The following NRXN3 variants were observed in gnomAD, a reference collection of about 807,000 sequenced individuals.
NRXN3 encodes neurexin III.
In NRXN3, 32 loss-of-function variants were observed where a neutral mutation model predicts 137.6. The observed-to-expected ratio is 0.23, with a 90% CI of 0.18 to 0.31. NRXN3 has a LOEUF of 0.31. Among genes scored for constraint, NRXN3 ranks in the 10% least tolerant of loss-of-function variants. NRXN3 has a pLI of 1.00. For synonymous variants in NRXN3, 798 were observed against 784.5 expected, an observed-to-expected ratio of 1.02 and a Z score of -0.29; for missense variants, 1,574 against 2,062.5, an observed-to-expected ratio of 0.76 and a Z score of 4.59.
intron 4 of NRXN3, among the ~76,000 whole-genome samples, chr14:78,403,468 G>T (rs533173969): frequency 9.3e-4 from 142 of 152,312 alleles, no homozygotes; most frequent in Non-Finnish European, 1.5e-3. Flanking sequence ...ACTGAGAAAA[G>T]AGATAGGTTT....
intron 17 of NRXN3, among the ~76,000 whole-genome samples, chr14:79,666,367 A>G (rs2098556991): frequency 6.6e-6 from 1 of 152,152 alleles, no homozygotes; most frequent in African/African-American, 2.4e-5. Flanking sequence ...AATTAAGTCA[A>G]TCCTCAATAA....
chr14:79,825,299 T>G (rs1162139619), intron 20 of NRXN3, among the ~76,000 whole-genome samples: 1 of 151,806 alleles, frequency 6.6e-6, no homozygotes, highest in Non-Finnish European at 1.5e-5. Flanking sequence ...TTTGTTAGCT[T>G]GAACTCGATA....
chr14:79,020,358 C>T (rs901954420), intron 15 of NRXN3, among the ~76,000 whole-genome samples: 3 of 150,556 alleles, frequency 2.0e-5, no homozygotes, highest in African/African-American at 7.4e-5. Flanking sequence ...CTCCGCTTCC[C>T]AGGTTCAAGC....
intron 19 of NRXN3, among the ~76,000 whole-genome samples, chr14:79,759,615 A>G (rs1204639706): frequency 6.6e-6 from 1 of 151,758 alleles, no homozygotes; most frequent in Non-Finnish European, 1.5e-5. Flanking sequence ...ACTTGAAGTC[A>G]TATTTCTAGT....
In NRXN3 at chr14:79,140,601, G is replaced by GTA. The variant is rs112360597; in HGVS notation, c.3262+152461_3262+152462insAT. On this transcript the variant is annotated intron_variant, in intron 15 of 20. Coordinates refer to ENST00000335750, the MANE Select transcript of NRXN3 (RefSeq NM_001330195.2). Reference sequence around the variant, plus strand: ...TGTGTGTGTGTGTGTGTGTGTGTGTGTGTGTGTGTGAAGTTAAATGATCTT... The same window carrying GTA: ...TGTGTGTGTGTGTGTGTGTGTGTGTGTATGTGTGTGTGAAGTTAAATGATCTT... 5.6e-4 allele frequency among the ~76,000 whole-genome samples: 85 copies of GTA among 151,870 alleles called. 2 individuals are homozygous for GTA. The highest frequency in any genetic ancestry group is 2.1e-3 in the African/African-American group (85 of 41,352).
intron 15 of NRXN3, among the ~76,000 whole-genome samples, chr14:79,382,356 G>C (rs2094494892): frequency 6.6e-6 from 1 of 152,186 alleles, no homozygotes; most frequent in South Asian, 2.1e-4. Context: ...TGTCTACCAA[G>C]AGGCAGGAGC....
chr14:79,214,653 A>T (rs766244362), intron 15 of NRXN3, among the ~76,000 whole-genome samples: 1 of 152,160 alleles, frequency 6.6e-6, no homozygotes, highest in Non-Finnish European at 1.5e-5. Flanking sequence ...CTAAATCTGG[A>T]TGTGGATCCA....
rs75113339 is a variant in NRXN3, at chr14:79,513,851, G to A, written c.3444+46449G>A. On this transcript the variant is annotated intron_variant, in intron 16 of 20. Transcript: ENST00000335750. ...AAATCATTTGACCTCCTGTTTAGTC[G>A]TTTGCAAGAAACAGCCTGCTGGCAG... Among the ~76,000 whole-genome samples, 173 of 152,264 alleles carry A rather than the reference G, an allele frequency of 1.1e-3. 1 individual carries two copies. The highest frequency in any genetic ancestry group is 1.8e-3 in the Non-Finnish European group (125 of 68,018).
chr14:78,912,213 T>C (rs143266425), intron 10 of NRXN3, among the ~76,000 whole-genome samples: 5,097 of 151,322 alleles, frequency 0.034, 134 homozygotes, highest in Non-Finnish European at 0.049. Context: ...GAATGATGGT[T>C]TCCAGCTTCA....
intron 15 of NRXN3, among the ~76,000 whole-genome samples, chr14:79,123,903 C>A (rs1459417213): frequency 6.6e-6 from 1 of 152,136 alleles, no homozygotes; most frequent in African/African-American, 2.4e-5. Flanking sequence ...CCCTTAGCAC[C>A]CTCTGCTTAT....
intron 15 of NRXN3, among the ~76,000 whole-genome samples, chr14:79,304,490 C>T (rs577694936): frequency 3.2e-4 from 49 of 152,124 alleles, no homozygotes; most frequent in Non-Finnish European, 5.2e-4. Flanking sequence ...AATTGGGCAG[C>T]TCCAAACCAG....
In NRXN3 at chr14:79,109,529, A is replaced by T. The variant is rs117791384; in HGVS notation, c.3262+121388A>T. Reference sequence around the variant, plus strand: ...TTCCTTTTATTGTCATACATGAAGGAAATGAATATTTAAACAGATTTTTTC... The same window carrying T: ...TTCCTTTTATTGTCATACATGAAGGTAATGAATATTTAAACAGATTTTTTC... On this transcript the variant is annotated intron_variant, in intron 15 of 20. Transcript: ENST00000335750. Among the ~76,000 whole-genome samples the T allele has an allele frequency of 7.7e-4, 118 of 152,312 alleles. 2 individuals are homozygous for T. The East Asian group carries it at 0.011, about 14-fold the overall frequency.
intron 2 of NRXN3, among the ~76,000 whole-genome samples, chr14:78,274,317 G>T (rs1346118566): frequency 6.6e-6 from 1 of 152,178 alleles, no homozygotes; most frequent in Non-Finnish European, 1.5e-5. Context: ...TTACAATCAT[G>T]GCAGAAGGGG....
chr14:79,509,320 A>G (rs1460383261), intron 16 of NRXN3, among the ~76,000 whole-genome samples: 1 of 152,194 alleles, frequency 6.6e-6, no homozygotes, highest in Non-Finnish European at 1.5e-5. Context: ...CAGCTTGCCA[A>G]TATGGTGAAA....
intron 15 of NRXN3, among the ~76,000 whole-genome samples, chr14:79,280,693 C>G (rs758848355): frequency 7.9e-5 from 12 of 152,302 alleles, no homozygotes; most frequent in Middle Eastern, 3.4e-3. Flanking sequence ...CAAATTTCTA[C>G]TTTCTCATAA....
intron 16 of NRXN3, among the ~76,000 whole-genome samples, chr14:79,574,806 C>A (rs1305980778): frequency 6.6e-6 from 1 of 152,040 alleles, no homozygotes; most frequent in Admixed American, 6.6e-5. Flanking sequence ...AAAGCCACAA[C>A]AAGGCAAAGG....
chr14:79,496,000 A>C (rs538847127), intron 16 of NRXN3, among the ~76,000 whole-genome samples: 1 of 152,022 alleles, frequency 6.6e-6, no homozygotes, highest in African/African-American at 2.4e-5. Flanking sequence ...ACAGAAACTT[A>C]AACACTTGAG....
At chr14:79,302,505 A>G (rs895870687) in intron 15 of NRXN3, among the ~76,000 whole-genome samples, 3 of 151,890 alleles carry the variant, frequency 2.0e-5, no homozygotes, top group Non-Finnish European at 2.9e-5. Context: ...ATCAGATCTC[A>G]TGGTAACTAC....
intron 15 of NRXN3, among the ~76,000 whole-genome samples, chr14:79,262,210 A>T (rs1490705316): frequency 6.6e-6 from 1 of 152,166 alleles, no homozygotes; most frequent in East Asian, 1.9e-4. Flanking sequence ...TTAAAAGGAA[A>T]AATGAAGTGC....
Sources: allele counts gnomAD v4.1 joint callset (sites outside exome capture counted in the v4.1 genomes callset), GRCh38; gene constraint gnomAD v4.1.1; transcripts MANE v1.5; gene names NCBI Gene and HGNC (gene_info 2026-07-23, HGNC 2026-07-21).